The following JAK1 variants were observed in gnomAD, a reference collection of about 807,000 sequenced individuals.
The protein encoded by JAK1 is tyrosine-protein kinase JAK1.
In JAK1, 16 loss-of-function variants were observed where a neutral mutation model predicts 136.6. The observed-to-expected ratio is 0.12, with a 90% CI of 0.08 to 0.18. JAK1 has a LOEUF of 0.18. JAK1 is among the 10% of genes least tolerant of loss of function. JAK1 has a pLI of 1.00. For missense variants in JAK1, 859 were observed against 1,450.1 expected, an observed-to-expected ratio of 0.59 and a Z score of 6.62; for synonymous variants, 492 against 519.5, an observed-to-expected ratio of 0.95 and a Z score of 0.72.
chr1:64,893,118 A>T (rs1644964206), intron 1 of JAK1, among the ~76,000 whole-genome samples: 1 of 152,112 alleles, frequency 6.6e-6, no homozygotes, highest in African/African-American at 2.4e-5. Context: ...TGAAAAAGAG[A>T]GAGGAAAGGT....
intron 3 of JAK1, among the ~76,000 whole-genome samples, chr1:64,882,926 G>A (rs1317338440): frequency 2.6e-5 from 4 of 152,180 alleles, no homozygotes; most frequent in Admixed American, 6.5e-5. Flanking sequence ...GGTGTTTTAC[G>A]TAGCACCTCA....
chr1:64,946,496 C>A (rs1229030327), intron 1 of JAK1, among the ~76,000 whole-genome samples: 2 of 152,176 alleles, frequency 1.3e-5, no homozygotes, highest in Non-Finnish European at 2.9e-5. Context: ...AAATTAAAAT[C>A]TTCTACGTCA....
At chr1:64,975,250 T>G (rs528312138) in intron 2 of JAK1, among the ~76,000 whole-genome samples, 1 of 152,160 alleles carries the variant, frequency 6.6e-6, no homozygotes. Context: ...CATGCACCAC[T>G]GCACCCCAAA....
chr1:64,878,932 A>G, intron 4 of JAK1, 93 bp downstream of exon 4: 4 of 1,254,028 alleles, frequency 3.2e-6, no homozygotes, highest in Non-Finnish European at 3.3e-6. Flanking sequence ...AATGACTACA[A>G]TACTTCTTGG....
chr1:64,892,457 T>C (rs978730598), intron 1 of JAK1, among the ~76,000 whole-genome samples: 1 of 152,102 alleles, frequency 6.6e-6, no homozygotes, highest in Non-Finnish European at 1.5e-5. Flanking sequence ...ATTTTTGTTG[T>C]TGTTGTTTTT....
At chr1:64,958,255 C>T (rs12125277) in intron 1 of JAK1, among the ~76,000 whole-genome samples, 9,736 of 152,190 alleles carry the variant, frequency 0.064, 413 homozygotes, top group Admixed American at 0.14. Flanking sequence ...ATGTTTGGGC[C>T]AATATGACCT....
intron 1 of JAK1, among the ~76,000 whole-genome samples, chr1:64,951,360 T>C (rs1382024339): frequency 6.6e-6 from 1 of 152,174 alleles, no homozygotes; most frequent in Non-Finnish European, 1.5e-5. Context: ...CACTGATTTT[T>C]TTAAATTGAA....
intron 2 of JAK1, among the ~76,000 whole-genome samples, chr1:65,031,908 G>GACCCT (rs1647026770): frequency 6.6e-6 from 1 of 151,288 alleles, no homozygotes; most frequent in Non-Finnish European, 1.5e-5. Context: ...GTATCTCAAA[G>GACCCT]ACCCTCTCTT....
chr1:65,057,460 G>A (rs1647598072), intron 1 of JAK1, among the ~76,000 whole-genome samples: 1 of 152,130 alleles, frequency 6.6e-6, no homozygotes, highest in South Asian at 2.1e-4. Flanking sequence ...CAGCACTTTG[G>A]GAGGCTGAGG....
At chr1:65,017,391 C>T (rs1259129461) in intron 2 of JAK1, among the ~76,000 whole-genome samples, 1 of 152,056 alleles carries the variant, frequency 6.6e-6, no homozygotes, top group Non-Finnish European at 1.5e-5. Context: ...TTGCTTGAAC[C>T]CAGGAGGCGG....
chr1:64,924,202 A>T (rs548336314), intron 1 of JAK1, among the ~76,000 whole-genome samples: 16 of 152,364 alleles, frequency 1.1e-4, no homozygotes, highest in Non-Finnish European at 2.1e-4. Context: ...AAAATAGTGT[A>T]GTATCTTATA....
At chr1:64,943,832 T>C (rs1284228381) in intron 1 of JAK1, among the ~76,000 whole-genome samples, 2 of 12,128 alleles carry the variant, frequency 1.6e-4, no homozygotes, top group Non-Finnish European at 1.0e-3. Flanking sequence ...GTAGCTTTAA[T>C]AAATAAAAAA....
intron 11 of JAK1, among the ~76,000 whole-genome samples, chr1:64,852,365 G>A (rs1284043297): frequency 6.6e-6 from 1 of 152,190 alleles, no homozygotes; most frequent in Non-Finnish European, 1.5e-5. Flanking sequence ...CCCTAATCGG[G>A]AGAACAAATG....
chr1:64,847,262 G>A (rs1344599330), intron 13 of JAK1, among the ~76,000 whole-genome samples: 2 of 152,012 alleles, frequency 1.3e-5, no homozygotes, highest in Non-Finnish European at 2.9e-5. Context: ...GGGCTCCACA[G>A]CACAGCCACC....
Position 65,061,315 on chromosome 1 carries a change from T to C in JAK1, c.-181+6289A>G, listed in dbSNP as rs528365326. Among the ~76,000 whole-genome samples, 11 of 152,144 alleles carry C rather than the reference T, an allele frequency of 7.2e-5. No homozygotes were observed. The East Asian group carries it at 1.4e-3, about 19-fold the overall frequency. On this transcript the variant is annotated intron_variant, in intron 1 of 25. Transcript: ENST00000671954. Reference sequence around the variant, plus strand: ...TACTTTGGAGGCTGAGGTGGGAGGATTGCTTGAACATGAAAGGCTGAGGCT... The same window carrying C: ...TACTTTGGAGGCTGAGGTGGGAGGACTGCTTGAACATGAAAGGCTGAGGCT...
chr1:65,063,739 A>G (rs1167705267), intron 1 of JAK1, among the ~76,000 whole-genome samples: 2 of 142,602 alleles, frequency 1.4e-5, no homozygotes, highest in Non-Finnish European at 3.0e-5. Context: ...TGGGAGGTGG[A>G]GGTTGCAGTG....
chr1:65,061,752 G>A (rs577656837), intron 1 of JAK1, among the ~76,000 whole-genome samples: 2 of 152,288 alleles, frequency 1.3e-5, no homozygotes, highest in African/African-American at 4.8e-5. Flanking sequence ...TACACAGAAT[G>A]TATACTTGCA....
chr1:65,032,392 A>T (rs1471247184), intron 2 of JAK1, among the ~76,000 whole-genome samples: 6 of 152,212 alleles, frequency 3.9e-5, no homozygotes, highest in Non-Finnish European at 8.8e-5. Context: ...TGCTCATCAG[A>T]TACTGTCTGA....
chr1:64,958,645 A>G (rs1192030424), intron 1 of JAK1, among the ~76,000 whole-genome samples: 3 of 152,232 alleles, frequency 2.0e-5, no homozygotes, highest in Admixed American at 6.5e-5. Context: ...GGAAAGACAC[A>G]TATTTGGCAG....
Sources: gnomAD v4.1 joint callset for allele counts (sites outside exome capture counted in the v4.1 genomes callset) on GRCh38, gnomAD v4.1.1 for gene constraint, MANE v1.5 for transcripts, NCBI Gene and HGNC (gene_info 2026-07-23, HGNC 2026-07-21) for gene names.